Variants in PAQR5 observed in about 807,000 individuals in gnomAD.
The protein encoded by PAQR5 is progestin and adipoQ receptor family member 5.
PAQR5 carries 20 observed loss-of-function variants against 34.5 expected under a neutral mutation model. That is an observed-to-expected ratio of 0.58 (90% CI 0.41 to 0.84). The LOEUF (loss-of-function observed/expected upper bound fraction) is 0.84. Among genes scored for constraint, PAQR5 ranks in the 40% least tolerant of loss-of-function variants. The pLI is 0.00. For synonymous variants in PAQR5, 131 were observed against 155.6 expected, an observed-to-expected ratio of 0.84 and a Z score of 1.18; for missense variants, 378 against 412.7, an observed-to-expected ratio of 0.92 and a Z score of 0.73.
At chr15:69,401,435 AT>A (rs903191585) in intron 8 of PAQR5, among the ~76,000 whole-genome samples, 1 of 152,180 alleles carries the variant, frequency 6.6e-6, no homozygotes, top group Non-Finnish European at 1.5e-5. Flanking sequence ...TAGAGAACAG[AT>A]TTCCAAAAAG....
chr15:69,336,385 G>A (rs1000480293), intron 1 of PAQR5, among the ~76,000 whole-genome samples: 23 of 152,266 alleles, frequency 1.5e-4, no homozygotes, highest in African/African-American at 5.3e-4. Context: ...ATGAAATGGT[G>A]TTTGGCTTTC....
chr15:69,308,087 A>G (rs2053756826), intron 1 of PAQR5, among the ~76,000 whole-genome samples: 1 of 152,214 alleles, frequency 6.6e-6, no homozygotes, highest in Admixed American at 6.5e-5. Context: ...GGCCAGGGCA[A>G]GGACTGCCAT....
Position 69,389,647 on chromosome 15 carries a change from TC to T in PAQR5, c.386-3del, listed in dbSNP as rs758002674. 8.7e-6 allele frequency: 14 copies of T among 1,613,976 alleles called. No individual in the cohort carries two copies. In the South Asian group the frequency reaches 1.5e-4, roughly 18 times the overall value. On this transcript the variant is annotated splice_polypyrimidine_tract_variant and splice_region_variant and intron_variant, in intron 5 of 8. Coordinates refer to ENST00000395407, the MANE Select transcript of PAQR5 (RefSeq NM_017705.4). ...CTCCTCTCCCAAGGCTGGCTTTTCT[TC>T]CCCAGGCTCAGCCATTGCCTACTCT...
In PAQR5 at chr15:69,323,908, A is replaced by G. The variant is rs1194514581; in HGVS notation, c.-276-13433A>G. Among the ~76,000 whole-genome samples the G allele has an allele frequency of 6.6e-5, 10 of 152,120 alleles. No homozygotes were observed. In the East Asian group the frequency reaches 1.9e-3, roughly 29 times the overall value. On this transcript the variant is annotated intron_variant, in intron 1 of 8. Transcript: ENST00000395407. The stretch of plus-strand genomic sequence containing the variant: ...TTTTTTCACTTAACAACTTGTCATG[A>G]CACCGTTACCTGTCAGTTACCACAG...
chr15:69,374,327 C>T (rs1490356868), intron 3 of PAQR5, among the ~76,000 whole-genome samples: 2 of 152,148 alleles, frequency 1.3e-5, no homozygotes, highest in Non-Finnish European at 2.9e-5. Context: ...ATGTGGCATA[C>T]TGTCCAACCT....
intron 3 of PAQR5, chr15:69,379,568 G>C: frequency 2.0e-6 from 2 of 985,458 alleles, no homozygotes. Flanking sequence ...CCCAGGCAGA[G>C]GGGTGAGAAA....
intron 1 of PAQR5, among the ~76,000 whole-genome samples, chr15:69,300,582 TTTCTTTCCTTC>T (rs2053514767): frequency 1.2e-5 from 1 of 80,378 alleles, no homozygotes; most frequent in South Asian, 4.6e-4. Flanking sequence ...TCTTTCTTTC[TTTCTTTCCTTC>T]TTTCTTTCTT....
chr15:69,301,859 A>ATTTTTTTTTTTTTT lies in PAQR5; in HGVS notation c.-277+2827_-277+2840dup, dbSNP rs71149903. On this transcript the variant is annotated intron_variant, in intron 1 of 8. Transcript: ENST00000395407. ...GTGAATTCATAAGAAATGGGGGGAG[A>ATTTTTTTTTTTTTT]TTTTTTTTTTTTTTTTTTTTTTTTT... 6.1e-4 allele frequency among the ~76,000 whole-genome samples: 60 copies of ATTTTTTTTTTTTTT among 98,838 alleles called. 2 individuals carry two copies. Among genetic ancestry groups the ATTTTTTTTTTTTTT allele is most frequent in the Non-Finnish European group, 8.4e-4 (47 of 55,906 alleles). 64.8% of individuals were successfully genotyped at this position (98,838 alleles called of 152,430 possible).
intron 1 of PAQR5, among the ~76,000 whole-genome samples, chr15:69,312,974 C>G (rs1371618755): frequency 6.6e-6 from 1 of 152,148 alleles, no homozygotes; most frequent in African/African-American, 2.4e-5. Context: ...CTCATGCTAC[C>G]TTGGGATTTC....
In PAQR5 at chr15:69,366,165, A is replaced by T. The variant is rs542560670; in HGVS notation, c.51+6034A>T. On this transcript the variant is annotated intron_variant, in intron 3 of 8. Transcript: ENST00000395407. ...CCTAACCTACTTTCTGTCTGTATGG[A>T]TTTGCCTATTGTGGATATCTCCCAC... 6.6e-5 allele frequency among the ~76,000 whole-genome samples: 10 copies of T among 152,178 alleles called. No individual in the cohort carries two copies. In the East Asian group the frequency reaches 1.9e-3, roughly 29 times the overall value.
At chr15:69,300,702 C>CTCTCTTTCTT (rs1394930613) in intron 1 of PAQR5, among the ~76,000 whole-genome samples, 146 of 6,520 alleles carry the variant, frequency 0.022, 35 homozygotes, top group African/African-American at 0.036. Flanking sequence ...CTCTCTCTCT[C>CTCTCTTTCTT]TCTTTCTTTC....
At chr15:69,395,687 G>C (rs1167575418) in intron 6 of PAQR5, among the ~76,000 whole-genome samples, 3 of 152,132 alleles carry the variant, frequency 2.0e-5, no homozygotes, top group African/African-American at 7.2e-5. Flanking sequence ...GAAGGGCAGG[G>C]TCAGGATTTG....
At chr15:69,390,736 C>G (rs1595933211) in intron 6 of PAQR5, among the ~76,000 whole-genome samples, 1 of 152,020 alleles carries the variant, frequency 6.6e-6, no homozygotes, top group East Asian at 1.9e-4. Context: ...GTGTCTGCCT[C>G]TGGGCATATG....
chr15:69,323,048 G>A (rs1318820567), intron 1 of PAQR5, among the ~76,000 whole-genome samples: 1 of 139,576 alleles, frequency 7.2e-6, no homozygotes, highest in African/African-American at 2.9e-5. Context: ...AAGGAGTGGG[G>A]TTTTCCAGGA....
At chr15:69,303,121 C>T (rs746240842) in intron 1 of PAQR5, among the ~76,000 whole-genome samples, 8 of 152,132 alleles carry the variant, frequency 5.3e-5, no homozygotes, top group East Asian at 3.9e-4. Flanking sequence ...TCAGTTAACA[C>T]GTGCTGAGTA....
chr15:69,315,831 G>A (rs969678596), intron 1 of PAQR5, among the ~76,000 whole-genome samples: 8 of 152,146 alleles, frequency 5.3e-5, no homozygotes, highest in Admixed American at 3.9e-4. Flanking sequence ...AGGGACAACT[G>A]TAGTAAGAAT....
Position 69,385,856 on chromosome 15 carries a change from C to T in PAQR5, c.385+974C>T, listed in dbSNP as rs918342944. On this transcript the variant is annotated intron_variant, in intron 5 of 8. Transcript: ENST00000395407. The surrounding 1 kb of genome is among the most constrained non-coding windows in gnomAD (Gnocchi z 4.7). ...CACATATACACAATACACTTACATGCACACACACACACCACATGCCACATG... is the reference window on the plus strand; with the variant it reads ...CACATATACACAATACACTTACATGTACACACACACACCACATGCCACATG... Among the ~76,000 whole-genome samples the T allele has an allele frequency of 2.3e-4, 35 of 151,076 alleles. No individual in the cohort carries two copies. Among genetic ancestry groups the T allele is most frequent in the Admixed American group, 2.0e-3 (30 of 15,048 alleles).
chr15:69,357,987 G>T (rs891536172), intron 2 of PAQR5, among the ~76,000 whole-genome samples: 3 of 152,138 alleles, frequency 2.0e-5, no homozygotes, highest in Admixed American at 1.3e-4. Flanking sequence ...GTACGATGTG[G>T]TTGGTGCTGC....
intron 1 of PAQR5, among the ~76,000 whole-genome samples, chr15:69,321,357 C>A (rs2054091898): frequency 6.6e-6 from 1 of 152,162 alleles, no homozygotes; most frequent in Admixed American, 6.6e-5. Context: ...CAACTCATGG[C>A]CGTTTTTTAT....
Sources: allele counts gnomAD v4.1 joint callset (sites outside exome capture counted in the v4.1 genomes callset), GRCh38; gene constraint gnomAD v4.1.1; non-coding constraint Gnocchi (gnomAD v3.1); transcripts MANE v1.5; gene names NCBI Gene and HGNC (gene_info 2026-07-23, HGNC 2026-07-21).